Variants in HIRA observed in about 807,000 individuals in gnomAD.
HIRA encodes histone cell cycle regulator.
In HIRA, 13 loss-of-function variants were observed where a neutral mutation model predicts 126.6. That is an observed-to-expected ratio of 0.10 (90% CI 0.07 to 0.16). The LOEUF (loss-of-function observed/expected upper bound fraction) is 0.16. HIRA is among the 10% of genes least tolerant of loss of function. The probability of loss-of-function intolerance (pLI) is 1.00; values close to 1 mark genes in which losing one functional copy is unlikely to be tolerated. For synonymous variants in HIRA, 511 were observed against 520.0 expected (o/e 0.98, Z 0.24); for missense variants, 834 against 1,314.4 (o/e 0.63, Z 5.65).
intron 11 of HIRA, among the ~76,000 whole-genome samples, chr22:19,387,402 G>A (rs1316346048): frequency 2.0e-5 from 3 of 152,184 alleles, no homozygotes; most frequent in Non-Finnish European, 2.9e-5. Context: ...AGGGGCCCCT[G>A]AGGAGTCACT....
At position 19,387,613 on chromosome 22, in the gene HIRA, G is replaced by A. The variant is rs565606841; in HGVS notation, c.1113+98C>T. ...TTACATGTTAAGAAATGACTTGTCT[G>A]TGTATCTCACAAGAAGAGGGTGTAG... On this transcript the variant is annotated intron_variant, in intron 11 of 24. Transcript: ENST00000263208. 1.6e-4 allele frequency: 124 copies of A among 760,504 alleles called. No individual in the cohort carries two copies. In the African/African-American group the frequency reaches 1.9e-3, roughly 12 times the overall value. 47.1% of individuals were successfully genotyped at this position (760,504 alleles called of 1,614,324 possible).
intron 24 of HIRA, among the ~76,000 whole-genome samples, chr22:19,341,756 G>C (rs977223869): frequency 1.3e-5 from 2 of 152,196 alleles, no homozygotes; most frequent in Middle Eastern, 3.2e-3. Flanking sequence ...ACATATAGAA[G>C]AATGAAGCTG....
intron 1 of HIRA, among the ~76,000 whole-genome samples, chr22:19,419,710 T>G (rs901238151): frequency 6.6e-6 from 1 of 152,206 alleles, no homozygotes; most frequent in Admixed American, 6.5e-5. Flanking sequence ...GGCACAACAA[T>G]AAAAACTTGT....
At chr22:19,403,234 C>G (rs1467839008) in intron 5 of HIRA, among the ~76,000 whole-genome samples, 1 of 152,078 alleles carries the variant, frequency 6.6e-6, no homozygotes, top group African/African-American at 2.4e-5. Context: ...TGTAGCTTTT[C>G]CCATCTAACT....
chr22:19,355,847 G>A lies in HIRA; in HGVS notation c.2474C>T (p.Ser825Leu). 2 of 1,613,168 alleles carry A rather than the reference G, an allele frequency of 1.2e-6. No homozygotes were observed. Among genetic ancestry groups the A allele is most frequent in the Non-Finnish European group, 1.7e-6 (2 of 1,179,152 alleles). Residue 825 changes from serine (S) to leucine (L), a missense_variant, in exon 21 of 25, where the codon TCA (serine) becomes TTA (leucine). Transcript: ENST00000263208. ...SILAGSDMTV[S>L]QILLTQHGIP... Reference sequence around the variant, plus strand: ...TCCATGCTGCGTCAGCAAGATCTGTGATACCGTCATATCACTTCCTGAGGA... The same window carrying A: ...TCCATGCTGCGTCAGCAAGATCTGTAATACCGTCATATCACTTCCTGAGGA...
intron 15 of HIRA, among the ~76,000 whole-genome samples, chr22:19,374,269 G>A (rs887399415): frequency 2.0e-5 from 3 of 152,124 alleles, no homozygotes; most frequent in African/African-American, 7.2e-5. Flanking sequence ...GGGAGGCGGA[G>A]GTTGCAGTGA....
Position 19,378,008 on chromosome 22 carries a change from T to C in HIRA, c.1474A>G (p.Met492Val), listed in dbSNP as rs773275900. 3.7e-6 allele frequency: 6 copies of C among 1,610,444 alleles called. No homozygotes were observed. The highest frequency in any genetic ancestry group is 3.4e-5 in the Admixed American group (2 of 59,334). ...IPLSGSLAGT[M>V]LSSHSSPQLL... ...TGTGGACTGCTATGAGAAGAGAGCA[T>C]GGTGCCCGCCAGGGAGCCCGAGAGG... Residue 492 changes from methionine (M) to valine (V), a missense_variant, in exon 14 of 25, where the codon ATG becomes GTG. By Grantham distance (21) the Met-to-Val change is conservative (BLOSUM62 1). Coordinates refer to ENST00000263208, the MANE Select transcript of HIRA (RefSeq NM_003325.4).
intron 15 of HIRA, among the ~76,000 whole-genome samples, chr22:19,363,903 G>A (rs1412340379): frequency 2.6e-5 from 4 of 151,908 alleles, no homozygotes; most frequent in Admixed American, 6.6e-5. Flanking sequence ...ACTCTGTCTC[G>A]AAAAAACCCA....
chr22:19,377,769 G>A (rs1046048204), intron 14 of HIRA, 100 bp downstream of exon 14: 1 of 1,046,772 alleles, frequency 9.6e-7, no homozygotes, highest in Non-Finnish European at 1.4e-6. Flanking sequence ...TTGATTGAAG[G>A]GGCCACAAAG....
At chr22:19,426,699 T>G (rs10483102) in intron 1 of HIRA, among the ~76,000 whole-genome samples, 4,654 of 152,314 alleles carry the variant, frequency 0.031, 146 homozygotes, top group South Asian at 0.13. Context: ...CCAGAAAGGT[T>G]CAATGTTTGT....
At chr22:19,431,278 C>T (rs1277953114) in intron 1 of HIRA, among the ~76,000 whole-genome samples, 162 bp downstream of exon 1, 22 of 152,172 alleles carry the variant, frequency 1.4e-4, no homozygotes. Flanking sequence ...TCACCAGCCT[C>T]TCCGCGCTGA....
chr22:19,405,695 G>A (rs1400164545), intron 5 of HIRA, 91 bp downstream of exon 5: 1 of 1,026,128 alleles, frequency 9.7e-7, no homozygotes, highest in Non-Finnish European at 1.3e-6. Flanking sequence ...GCTGCTTTAA[G>A]GACCAAACAG....
intron 15 of HIRA, among the ~76,000 whole-genome samples, chr22:19,374,150 T>C (rs1345036705): frequency 6.6e-6 from 1 of 151,108 alleles, no homozygotes; most frequent in Non-Finnish European, 1.5e-5. Flanking sequence ...GTGGCCAACA[T>C]GGTGAAACCC....
At chr22:19,349,097 T>A (rs2088725422) in intron 24 of HIRA, among the ~76,000 whole-genome samples, 1 of 151,668 alleles carries the variant, frequency 6.6e-6, no homozygotes, top group African/African-American at 2.4e-5. Context: ...TACTTGATTT[T>A]ACTTTTTTTT....
intron 24 of HIRA, among the ~76,000 whole-genome samples, chr22:19,334,690 G>A (rs576334452): frequency 6.6e-6 from 1 of 152,142 alleles, no homozygotes; most frequent in African/African-American, 2.4e-5. Flanking sequence ...CCAAAGTGCT[G>A]GGATTAAGGC....
At chr22:19,390,753 T>C (rs2089173365) in intron 9 of HIRA, among the ~76,000 whole-genome samples, 1 of 152,014 alleles carries the variant, frequency 6.6e-6, no homozygotes, top group Admixed American at 6.6e-5. Flanking sequence ...TTTCTGTGTG[T>C]CTTTTTCTGT....
At position 19,347,320 on chromosome 22, in the gene HIRA, G is replaced by A. The variant is rs547383242; in HGVS notation, c.2937+4038C>T. Among the ~76,000 whole-genome samples the A allele has an allele frequency of 3.0e-4, 45 of 152,146 alleles. 1 individual carries two copies. The highest frequency in any genetic ancestry group is 5.9e-4 in the Non-Finnish European group (40 of 68,022). ...GGTAAAATGTCCTCAAGTAAAGACC[G>A]CAATGAACAAATCAAAGATTGAACC... On this transcript the variant is annotated intron_variant, in intron 24 of 24. Coordinates refer to ENST00000263208, the MANE Select transcript of HIRA (RefSeq NM_003325.4).
chr22:19,359,330 C>T lies in HIRA; in HGVS notation c.2234+6G>A, dbSNP rs530466334. On this transcript the variant is annotated splice_donor_region_variant and intron_variant, in intron 18 of 24. Transcript: ENST00000263208. ...CTGGGCCGGCTAAGGACCTGCCCAC[C>T]CTTACCAGCTGCCCGCAGCAGTGAG... The T allele has an allele frequency of 3.8e-6, 6 of 1,572,332 alleles. No homozygotes were observed. In the African/African-American group the frequency reaches 6.8e-5, roughly 18 times the overall value.
chr22:19,414,692 C>T (rs570152873), intron 1 of HIRA, among the ~76,000 whole-genome samples: 3 of 152,212 alleles, frequency 2.0e-5, no homozygotes, highest in Admixed American at 6.5e-5. Context: ...ATGTTTGAAA[C>T]ATTTATTAAA....
Sources: allele counts gnomAD v4.1 joint callset (sites outside exome capture counted in the v4.1 genomes callset), GRCh38; gene constraint gnomAD v4.1.1; transcripts MANE v1.5; gene names NCBI Gene and HGNC (gene_info 2026-07-23, HGNC 2026-07-21).